VANGL1: variants seen among roughly 807,000 people sequenced by gnomAD.
VANGL1 encodes VANGL planar cell polarity protein 1, also known as vang-like protein 1.
A neutral mutation model predicts 48.4 loss-of-function variants in VANGL1; 18 were observed. That is an observed-to-expected ratio of 0.37 (90% confidence interval 0.26 to 0.55). VANGL1 has a LOEUF of 0.55. Among genes scored for constraint, VANGL1 ranks in the 20% least tolerant of loss-of-function variants. The pLI is 0.81. For missense variants in VANGL1, 667 were observed against 675.8 expected (o/e 0.99, Z 0.14); for synonymous variants, 257 against 261.8 (o/e 0.98, Z 0.18).
chr1:115,684,661 G>T (rs567234954), intron 6 of VANGL1, among the ~76,000 whole-genome samples: 1 of 152,178 alleles, frequency 6.6e-6, no homozygotes, highest in Non-Finnish European at 1.5e-5. Flanking sequence ...CCAAGAAATG[G>T]CATTTCTAAC....
At chr1:115,685,191 A>C in intron 6 of VANGL1, 102 bp from the exon 7 acceptor site, 1 of 1,234,830 alleles carries the variant, frequency 8.1e-7, no homozygotes, top group Non-Finnish European at 1.2e-6. Context: ...GGCCTTGGGT[A>C]TGTTGGCAGG....
intron 4 of VANGL1, among the ~76,000 whole-genome samples, chr1:115,667,064 G>A (rs1652821400): frequency 6.6e-6 from 1 of 152,220 alleles, no homozygotes; most frequent in African/African-American, 2.4e-5. Flanking sequence ...GCAAGCCTCG[G>A]AAATCAGAAT....
rs754902553 is a variant in VANGL1 at position 115,684,041 on chromosome 1, C to T, written c.1044C>T (p.Ala348=). 1.4e-5 allele frequency: 23 copies of T among 1,613,850 alleles called. No individual in the cohort carries two copies. The highest frequency in any genetic ancestry group is 8.0e-5 in the African/African-American group (6 of 74,914). Residue 348 remains alanine, a synonymous_variant, in exon 6 of 8, where the codon GCC becomes GCT. Transcript: ENST00000355485. ...SSHNELYYEE[A]EHERRVKKRK... ...ACAACGAGTTGTATTATGAAGAGGC[C>T]GAACATGAACGGCGAGTAAAGAAGC...
At chr1:115,661,298 C>T (rs986427971) in intron 3 of VANGL1, among the ~76,000 whole-genome samples, 4 of 152,076 alleles carry the variant, frequency 2.6e-5, no homozygotes, top group African/African-American at 7.2e-5. Context: ...CATACATGTG[C>T]ACCCCAGGAA....
chr1:115,675,362 G>C (rs968433032), intron 4 of VANGL1, among the ~76,000 whole-genome samples: 1 of 152,068 alleles, frequency 6.6e-6, no homozygotes, highest in Admixed American at 6.5e-5. Flanking sequence ...TGAGCCAGGC[G>C]TGGTGGCATG....
intron 1 of VANGL1, among the ~76,000 whole-genome samples, chr1:115,644,270 C>A (rs959190896): frequency 1.3e-5 from 2 of 152,186 alleles, no homozygotes; most frequent in African/African-American, 4.8e-5. Flanking sequence ...TCTTATTTTT[C>A]TTAAACACTT....
chr1:115,650,012 G>A (rs986239445), intron 1 of VANGL1, among the ~76,000 whole-genome samples: 1 of 152,162 alleles, frequency 6.6e-6, no homozygotes, highest in African/African-American at 2.4e-5. Flanking sequence ...GACCTTGGAA[G>A]TGATCGTACC....
chr1:115,674,829 G>A (rs2101018508), intron 4 of VANGL1, among the ~76,000 whole-genome samples: 1 of 152,276 alleles, frequency 6.6e-6, no homozygotes, highest in South Asian at 2.1e-4. Context: ...GAGCTCTAAA[G>A]CTCAATGTTA....
At chr1:115,673,914 T>C (rs1570760533) in intron 4 of VANGL1, among the ~76,000 whole-genome samples, 1 of 152,136 alleles carries the variant, frequency 6.6e-6, no homozygotes, top group African/African-American at 2.4e-5. Context: ...TCTTTTCTTA[T>C]ACGGATACCA....
chr1:115,675,928 C>T (rs1557771863), intron 4 of VANGL1, among the ~76,000 whole-genome samples: 2 of 152,066 alleles, frequency 1.3e-5, no homozygotes, highest in African/African-American at 4.8e-5. Context: ...TTTTGAGGTT[C>T]AGTATAAATA....
At position 115,675,987 on chromosome 1, in the gene VANGL1, C is replaced by T. The variant is rs564032902; in HGVS notation, c.813-6377C>T. ...CTAGGAGCTGTGTGTATATTCTAGC[C>T]ACCAACCAACCCCATCACCGCTGCA... On this transcript the variant is annotated intron_variant, in intron 4 of 7. Transcript: ENST00000355485. Among the ~76,000 whole-genome samples, 7 of 152,206 alleles carry T rather than the reference C, an allele frequency of 4.6e-5. No homozygotes were observed. In the South Asian group the frequency reaches 1.5e-3, roughly 32 times the overall value.
chr1:115,656,223 A>G (rs1457897500), intron 2 of VANGL1, among the ~76,000 whole-genome samples: 1 of 152,140 alleles, frequency 6.6e-6, no homozygotes, highest in African/African-American at 2.4e-5. Flanking sequence ...ACTTCATACT[A>G]TTTTAATAAA....
rs568777465 is a variant in VANGL1 at position 115,695,233 on chromosome 1, T to A, written c.*3854T>A. The A allele has an allele frequency of 1.0e-3, 152 of 152,726 alleles. No homozygotes were observed. Among genetic ancestry groups the A allele is most frequent in the African/African-American group, 3.4e-3 (143 of 41,564 alleles). The allele number at this position is 152,726 out of a possible 1,614,324, so 9.5% of individuals were successfully genotyped here. A position where few individuals can be genotyped will look rare whatever the true frequency, so the allele number is the denominator to read the frequency against. On this transcript the variant is annotated 3_prime_UTR_variant, in exon 8 of 8. Coordinates refer to ENST00000355485, the MANE Select transcript of VANGL1 (RefSeq NM_138959.3). ...GATATTTCTTAAGGTAACTTAAAAATTGGGCTTTATTTTTAAAAAGTGATA... is the reference window on the plus strand; with the variant it reads ...GATATTTCTTAAGGTAACTTAAAAAATGGGCTTTATTTTTAAAAAGTGATA...
Position 115,658,811 on chromosome 1 carries a change from A to G in VANGL1, c.72-830A>G, listed in dbSNP as rs570440823. ...CCTTGGCTTGGCCAGTGATTGGTTCATTTTGGAATTTCATGAGTGACCCCC... is the reference window on the plus strand; with the variant it reads ...CCTTGGCTTGGCCAGTGATTGGTTCGTTTTGGAATTTCATGAGTGACCCCC... On this transcript the variant is annotated intron_variant, in intron 2 of 7. Transcript: ENST00000355485. 1.1e-3 allele frequency among the ~76,000 whole-genome samples: 172 copies of G among 152,252 alleles called. 2 individuals carry two copies. In the Middle Eastern group the frequency reaches 0.02, roughly 18 times the overall value.
intron 2 of VANGL1, among the ~76,000 whole-genome samples, chr1:115,653,953 C>A (rs957624163): frequency 2.0e-5 from 3 of 152,148 alleles, no homozygotes; most frequent in African/African-American, 7.2e-5. Flanking sequence ...CAACTGACTG[C>A]AGCATAGGGC....
At chr1:115,645,936 C>G (rs760422062) in intron 1 of VANGL1, among the ~76,000 whole-genome samples, 1 of 152,144 alleles carries the variant, frequency 6.6e-6, no homozygotes, top group Non-Finnish European at 1.5e-5. Flanking sequence ...AACCAGAGCT[C>G]CCTTAATTAC....
At chr1:115,642,186 C>T (rs1027973947) in intron 1 of VANGL1, 100 bp downstream of exon 1, 4 of 152,056 alleles carry the variant, frequency 2.6e-5, no homozygotes, top group African/African-American at 9.7e-5. Context: ...GCCCCTGCGC[C>T]CTCCTCCCGC....
intron 4 of VANGL1, among the ~76,000 whole-genome samples, chr1:115,666,244 G>A (rs1311425230): frequency 6.6e-6 from 1 of 152,156 alleles, no homozygotes; most frequent in African/African-American, 2.4e-5. Flanking sequence ...AGGTGGGAAA[G>A]GGCAGGGCAT....
intron 2 of VANGL1, among the ~76,000 whole-genome samples, chr1:115,655,047 G>T (rs1652291053): frequency 6.6e-6 from 1 of 152,164 alleles, no homozygotes; most frequent in Admixed American, 6.5e-5. Context: ...ACAAAAAGAG[G>T]GCCGCCGGGG....
Sources: allele counts gnomAD v4.1 joint callset (sites outside exome capture counted in the v4.1 genomes callset), GRCh38; gene constraint gnomAD v4.1.1; transcripts MANE v1.5; gene names NCBI Gene and HGNC (gene_info 2026-07-23, HGNC 2026-07-21).